Variants in RBBP6 observed in about 807,000 individuals in gnomAD.
RBBP6 encodes E3 ubiquitin-protein ligase RBBP6.
In RBBP6, 25 loss-of-function variants were observed where a neutral mutation model predicts 167.7. That is an observed-to-expected ratio of 0.15 (90% confidence interval 0.11 to 0.21). RBBP6 has a LOEUF of 0.21. RBBP6 is among the 10% of genes least tolerant of loss of function. RBBP6 has a pLI of 1.00. For synonymous variants in RBBP6, 789 were observed against 735.8 expected (o/e 1.07, Z -1.17); for missense variants, 1,868 against 2,134.2 (o/e 0.88, Z 2.46).
At chr16:24,546,032 C>T in intron 1 of RBBP6, 131 bp from the exon 2 acceptor site, 1 of 1,340,644 alleles carries the variant, frequency 7.5e-7, no homozygotes, top group Non-Finnish European at 9.7e-7. Flanking sequence ...TATCAGTAAT[C>T]TAGTTGCAAG....
chr16:24,557,326 C>A (rs568344296), intron 7 of RBBP6, among the ~76,000 whole-genome samples: 2 of 152,164 alleles, frequency 1.3e-5, no homozygotes, highest in South Asian at 4.1e-4. Context: ...ATATTATGAA[C>A]CAGTTTTTAA....
Position 24,540,058 on chromosome 16 carries a change from G to GGAGCCT in RBBP6, c.-568_-567insAGCCTG, listed in dbSNP as rs1898442892. ...AGGCGCCAGGGGTTTGTGTGCGGTGGGGGCCTGGGCCTGGGCCTGGGGAAG... is the reference window on the plus strand; with the variant it reads ...AGGCGCCAGGGGTTTGTGTGCGGTGGGAGCCTGGGCCTGGGCCTGGGCCTGGGGAAG... On this transcript the variant is annotated 5_prime_UTR_variant, in exon 1 of 18. Coordinates refer to ENST00000319715, the MANE Select transcript of RBBP6 (RefSeq NM_006910.5). 6.5e-6 allele frequency: 1 copy of GGAGCCT among 153,114 alleles called. No homozygotes were observed. The highest frequency in any genetic ancestry group is 6.5e-5 in the Admixed American group (1 of 15,298). 9.5% of individuals were successfully genotyped at this position (153,114 alleles called of 1,614,324 possible).
At chr16:24,563,370 C>CTTTTTTTTTTTTTTT in intron 11 of RBBP6, 53 bp from the exon 12 acceptor site, 1 of 1,308,074 alleles carries the variant, frequency 7.6e-7, no homozygotes, top group Non-Finnish European at 1.0e-6. Flanking sequence ...GTTCTTACCT[C>CTTTTTTTTTTTTTTT]TTTTTTTTTT....
rs372263609 is a variant in RBBP6 at position 24,571,078 on chromosome 16, C to T, written c.4012C>T (p.Pro1338Ser). 6 of 1,611,918 alleles carry T rather than the reference C, an allele frequency of 3.7e-6. No homozygotes were observed. The highest frequency in any genetic ancestry group is 4.2e-6 in the Non-Finnish European group (5 of 1,178,416). ...AGAAGAAGATGTTAAATCCACACAGCCTATATCAAGTGTAGGAAAACCTGC... is the reference window on the plus strand; with the variant it reads ...AGAAGAAGATGTTAAATCCACACAGTCTATATCAAGTGTAGGAAAACCTGC... ...SEEEDVKSTQ[P>S]ISSVGKPASV... Residue 1338 changes from proline to serine, a missense_variant, in exon 18 of 18, where the codon CCT becomes TCT. This residue lies in a region of RBBP6 where 591 missense variants were observed against 540.5 expected (regional missense o/e 1.09). Coordinates refer to ENST00000319715, the MANE Select transcript of RBBP6 (RefSeq NM_006910.5).
chr16:24,566,046 C>T (rs1490168806), intron 14 of RBBP6, among the ~76,000 whole-genome samples: 2 of 152,156 alleles, frequency 1.3e-5, no homozygotes, highest in Admixed American at 6.5e-5. Context: ...GCCTAGGGGA[C>T]AGAGTGAGAC....
At chr16:24,553,714 G>A (rs1898852449) in intron 4 of RBBP6, 157 bp downstream of exon 4, 2 of 434,714 alleles carry the variant, frequency 4.6e-6, no homozygotes, top group Admixed American at 3.8e-5. Context: ...GCTGTTTTGA[G>A]AAGATAGGGG....
intron 2 of RBBP6, among the ~76,000 whole-genome samples, chr16:24,546,844 C>T (rs533027676): frequency 1.3e-4 from 20 of 152,106 alleles, no homozygotes; most frequent in Non-Finnish European, 2.4e-4. Flanking sequence ...AAAATAGGGA[C>T]GTGAGTACTT....
intron 8 of RBBP6, among the ~76,000 whole-genome samples, chr16:24,560,733 A>G (rs1899031092): frequency 6.6e-6 from 1 of 152,232 alleles, no homozygotes; most frequent in Admixed American, 6.5e-5. Context: ...AACTATTTAC[A>G]TAGCATTTAT....
chr16:24,555,801 A>AT lies in RBBP6; in HGVS notation c.438-12dup, dbSNP rs368297919. 5.7e-6 allele frequency: 9 copies of AT among 1,589,584 alleles called. No individual in the cohort carries two copies. The highest frequency in any genetic ancestry group is 3.3e-5 in the Admixed American group (2 of 59,872). Reference sequence around the variant, plus strand: ...TTTTCAAAGTCCTCGTATACATGTAATTTTTTTTCCCCCTTTTAGTTACAT... The same window carrying AT: ...TTTTCAAAGTCCTCGTATACATGTAATTTTTTTTTCCCCCTTTTAGTTACAT... On this transcript the variant is annotated intron_variant, in intron 5 of 17. Transcript: ENST00000319715.
chr16:24,543,616 A>G (rs897106022), intron 1 of RBBP6, among the ~76,000 whole-genome samples: 2 of 152,080 alleles, frequency 1.3e-5, no homozygotes, highest in African/African-American at 4.8e-5. Context: ...GGACCCTTAA[A>G]TCTTGATAAG....
In RBBP6 at chr16:24,571,277, A is replaced by G; in HGVS notation, c.4211A>G (p.Lys1404Arg). 1 of 1,612,946 alleles carries G rather than the reference A, an allele frequency of 6.2e-7. No individual in the cohort carries two copies. Residue 1404 changes from lysine to arginine, a missense_variant, in exon 18 of 18, where the codon AAA (lysine) becomes AGA (arginine). Around this residue, in one of 7 missense-constraint regions of RBBP6, gnomAD observed 591 missense variants for 540.5 expected, o/e 1.09. Transcript: ENST00000319715. ...GCATCTAGTGAAAAAGGGAAAACCA[A>G]AGATCGAGATTATTCAGTGTTGGAA... The part of the protein sequence containing the change: ...NSASSEKGKT[K>R]DRDYSVLEKE...
At chr16:24,566,657 G>A (rs1174754802) in intron 14 of RBBP6, among the ~76,000 whole-genome samples, 2 of 152,086 alleles carry the variant, frequency 1.3e-5, no homozygotes, top group Non-Finnish European at 2.9e-5. Flanking sequence ...AGGAGAATTC[G>A]CTTGAACCCA....
Position 24,571,969 on chromosome 16 carries a change from G to A in RBBP6, c.4903G>A (p.Ala1635Thr), listed in dbSNP as rs756413851. 1 of 1,613,716 alleles carries A rather than the reference G, an allele frequency of 6.2e-7. No individual in the cohort carries two copies. Among genetic ancestry groups the A allele is most frequent in the South Asian group, 1.1e-5 (1 of 91,010 alleles). ...SSDLTRETDE[A>T]AFEPDYNESD... ...TGACTTAACTAGAGAAACTGATGAA[G>A]CTGCTTTTGAACCAGACTATAATGA... Residue 1635 changes from alanine to threonine, a missense_variant, in exon 18 of 18, where the codon GCT becomes ACT. Ala to Thr is a moderately conservative substitution (Grantham distance 58). Transcript: ENST00000319715.
In RBBP6 at chr16:24,572,268, A is replaced by G; in HGVS notation, c.5202A>G (p.Glu1734=). 6.2e-7 allele frequency: 1 copy of G among 1,612,366 alleles called. No homozygotes were observed. The highest frequency in any genetic ancestry group is 2.2e-5 in the East Asian group (1 of 44,876). The part of the protein sequence containing the change: ...QDSKKKKKKK[E]KKKHKKHKKH... Reference sequence around the variant, plus strand: ...GCAAGAAGAAGAAGAAAAAGAAGGAAAAGAAAAAACACAAGAAACATAAAA... The same window carrying G: ...GCAAGAAGAAGAAGAAAAAGAAGGAGAAGAAAAAACACAAGAAACATAAAA... Residue 1734 remains glutamate, a synonymous_variant, in exon 18 of 18, where the codon GAA becomes GAG. Coordinates refer to ENST00000319715, the MANE Select transcript of RBBP6 (RefSeq NM_006910.5).
chr16:24,544,941 T>A (rs1898601755), intron 1 of RBBP6, among the ~76,000 whole-genome samples: 1 of 152,194 alleles, frequency 6.6e-6, no homozygotes, highest in Non-Finnish European at 1.5e-5. Flanking sequence ...TTGTCAATCC[T>A]ACCTGCAAAC....
At position 24,557,898 on chromosome 16, in the gene RBBP6, C is replaced by T. The variant is rs185439999; in HGVS notation, c.674+1451C>T. Among the ~76,000 whole-genome samples the T allele has an allele frequency of 1.4e-3, 219 of 152,254 alleles. 4 individuals carry two copies. In the South Asian group the frequency reaches 0.016, roughly 11 times the overall value. On this transcript the variant is annotated intron_variant, in intron 7 of 17. Coordinates refer to ENST00000319715, the MANE Select transcript of RBBP6 (RefSeq NM_006910.5). Reference sequence around the variant, plus strand: ...TATGTACTTCAGCAAATAGTGTTTTCGTTCACAGATAAGAATGTTTTCCTA... The same window carrying T: ...TATGTACTTCAGCAAATAGTGTTTTTGTTCACAGATAAGAATGTTTTCCTA...
At chr16:24,563,114 G>A in intron 10 of RBBP6, 85 bp from the exon 11 acceptor site, 1 of 1,014,118 alleles carries the variant, frequency 9.9e-7, no homozygotes. Flanking sequence ...AACTGCAGGT[G>A]ATGGGTAAAC....
chr16:24,570,997 A>G lies in RBBP6; in HGVS notation c.3931A>G (p.Ile1311Val). 6.2e-7 allele frequency: 1 copy of G among 1,612,776 alleles called. No individual in the cohort carries two copies. ...NDNTAPAEDVIIMIQVPQSKW... is the reference protein window; with the variant it reads ...NDNTAPAEDVVIMIQVPQSKW... ...CAATACCGCGCCAGCTGAAGATGTTATCATTATGATTCAGGTTCCTCAATC... is the reference window on the plus strand; with the variant it reads ...CAATACCGCGCCAGCTGAAGATGTTGTCATTATGATTCAGGTTCCTCAATC... Residue 1311 changes from isoleucine (I) to valine (V), a missense_variant, in exon 18 of 18, where the codon ATC becomes GTC. Transcript: ENST00000319715.
In RBBP6 at chr16:24,571,625, A is replaced by T; in HGVS notation, c.4559A>T (p.Asp1520Val). 6.2e-7 allele frequency: 1 copy of T among 1,611,730 alleles called. No individual in the cohort carries two copies. Among genetic ancestry groups the T allele is most frequent in the Non-Finnish European group, 8.5e-7 (1 of 1,179,476 alleles). The part of the protein sequence containing the change: ...GQKNKPREER[D>V]LPKKGTGDSK... ...AAAAATAAACCAAGGGAAGAGAGAG[A>T]TTTGCCTAAAAAAGGAACAGGAGAT... is the stretch of plus-strand genomic sequence containing the variant. The change falls in exon 18 of 18, where the codon GAT becomes GTT. Residue 1520 changes from aspartate (D) to valine (V), a missense_variant. Coordinates refer to ENST00000319715, the MANE Select transcript of RBBP6 (RefSeq NM_006910.5).
Sources: gnomAD v4.1 joint callset for allele counts (sites outside exome capture counted in the v4.1 genomes callset) on GRCh38, gnomAD v4.1.1 for gene constraint, gnomAD v4.1.1 regional missense constraint, MANE v1.5 for transcripts, NCBI Gene and HGNC (gene_info 2026-07-23, HGNC 2026-07-21) for gene names.